KIR3DL2: variants seen among roughly 807,000 people sequenced by gnomAD.
KIR3DL2 encodes the protein killer cell immunoglobulin-like receptor 3DL2.
A neutral mutation model predicts 41.6 loss-of-function variants in KIR3DL2; 42 were observed. That is an observed-to-expected ratio of 1.01 (90% CI 0.79 to 1.31). The LOEUF is 1.31. Among genes scored for constraint, KIR3DL2 ranks in the 50% most tolerant of loss-of-function variants. The pLI is 0.00. For missense variants in KIR3DL2, 728 were observed against 576.8 expected, an observed-to-expected ratio of 1.26 and a Z score of -2.68; for synonymous variants, 230 against 221.3, an observed-to-expected ratio of 1.04 and a Z score of -0.35.
At chr19:54,866,451 A>C (rs1359098793) in intron 8 of KIR3DL2, 29 bp downstream of exon 8, 1 of 1,613,858 alleles carries the variant, frequency 6.2e-7, no homozygotes, top group Non-Finnish European at 8.5e-7. Flanking sequence ...AGCCTCACGG[A>C]TACAGTCTTA....
intron 5 of KIR3DL2, among the ~76,000 whole-genome samples, chr19:54,858,375 C>T (rs1408814071): frequency 2.0e-5 from 3 of 150,250 alleles, no homozygotes; most frequent in Non-Finnish European, 4.4e-5. Flanking sequence ...CCAGTTTTCC[C>T]CACACCATTT....
chr19:54,856,998 A>T (rs200925674), intron 5 of KIR3DL2, among the ~76,000 whole-genome samples: 6,261 of 152,122 alleles, frequency 0.041, 141 homozygotes, highest in Middle Eastern at 0.088. Flanking sequence ...GAACAGTCAT[A>T]TGAGTGCAGA....
chr19:54,855,855 C>T lies in KIR3DL2; in HGVS notation c.892C>T (p.Arg298Cys), dbSNP rs200625052. Residue 298 changes from arginine (R) to cysteine (C), a missense_variant, in exon 5 of 9, where the codon CGT (arginine) becomes TGT (cysteine). By Grantham distance (180) the Arg-to-Cys change is radical. Transcript: ENST00000326321. ...GGTYRCFGSF[R>C]ALPCVWSNSS... ...GACCTACAGATGCTTCGGCTCTTTC[C>T]GTGCCCTGCCCTGCGTGTGGTCAAA... is the stretch of plus-strand genomic sequence containing the variant. 7.4e-4 allele frequency: 1,202 copies of T among 1,613,424 alleles called. 7 individuals are homozygous for T. The highest frequency in any genetic ancestry group is 9.4e-4 in the Non-Finnish European group (1,104 of 1,179,866).
rs2064468498 is a variant in KIR3DL2 at position 54,853,503 on chromosome 19, A to T, written c.356-244A>T. Among the ~76,000 whole-genome samples, 5 of 151,704 alleles carry T rather than the reference A, an allele frequency of 3.3e-5. No individual in the cohort carries two copies. In the South Asian group the frequency reaches 1.0e-3, roughly 31 times the overall value. ...TAGTGGGAAAGAGATACAACAGCCC[A>T]AGAGATGAGGCTCTCTTCACAGTGG... On this transcript the variant is annotated intron_variant, in intron 3 of 8. Transcript: ENST00000326321.
chr19:54,865,839 C>T lies in KIR3DL2; in HGVS notation c.1035C>T (p.Thr345=), dbSNP rs2065469033. 3 of 1,613,756 alleles carry T rather than the reference C, an allele frequency of 1.9e-6. No individual in the cohort carries two copies. The highest frequency in any genetic ancestry group is 3.3e-5 in the Admixed American group (2 of 60,008). Residue 345 remains threonine (T), a synonymous_variant, in exon 7 of 9, where the codon ACC becomes ACT. Coordinates refer to ENST00000326321, the MANE Select transcript of KIR3DL2 (RefSeq NM_006737.4). ...GACACCTGCATGTTCTGATTGGGAC[C>T]TCAGTGGTCATCTTCCTCTTCATCC... ...ICRHLHVLIG[T]SVVIFLFILL... is the part of the protein sequence containing the mutation.
rs368276329 is a variant in KIR3DL2 at position 54,855,199 on chromosome 19, CAGAT to C, written c.656-416_656-413del. 1.3e-4 allele frequency among the ~76,000 whole-genome samples: 20 copies of C among 150,874 alleles called. 2 individuals carry two copies. Among genetic ancestry groups the C allele is most frequent in the African/African-American group, 3.0e-4 (12 of 40,656 alleles). ...AATACATAGATGATTGATGGATAGACAGATAGACAATTGATAGATAAATGATACA... is the reference window on the plus strand; with the variant it reads ...AATACATAGATGATTGATGGATAGACAGACAATTGATAGATAAATGATACA... On this transcript the variant is annotated intron_variant, in intron 4 of 8. Coordinates refer to ENST00000326321, the MANE Select transcript of KIR3DL2 (RefSeq NM_006737.4).
chr19:54,856,820 T>A (rs1370912662), intron 5 of KIR3DL2, among the ~76,000 whole-genome samples: 1 of 152,120 alleles, frequency 6.6e-6, no homozygotes, highest in Non-Finnish European at 1.5e-5. Context: ...GAAATGGGAA[T>A]CTTTGTAATG....
chr19:54,855,266 A>AATAG, intron 4 of KIR3DL2, among the ~76,000 whole-genome samples: 1 of 150,922 alleles, frequency 6.6e-6, no homozygotes, highest in Middle Eastern at 3.4e-3. Flanking sequence ...ATAGACACAA[A>AATAG]ATAGATAGAT....
chr19:54,865,625 T>C (rs4806457), intron 6 of KIR3DL2, among the ~76,000 whole-genome samples, 180 bp from the exon 7 acceptor site: 6,488 of 152,106 alleles, frequency 0.043, 174 homozygotes, highest in East Asian at 0.091. Flanking sequence ...ATCCTCAGCA[T>C]GTTCTATGGT....
chr19:54,851,721 C>T (rs2064257864), intron 2 of KIR3DL2, among the ~76,000 whole-genome samples: 1 of 151,756 alleles, frequency 6.6e-6, no homozygotes, highest in Non-Finnish European at 1.5e-5. Flanking sequence ...ATAGGACATG[C>T]CCTCCATGCC....
Position 54,866,385 on chromosome 19 carries a change from A to T in KIR3DL2, c.1121A>T (p.Asp374Val). 1 of 1,613,918 alleles carries T rather than the reference A, an allele frequency of 6.2e-7. No homozygotes were observed. The change falls in exon 8 of 9, where the codon GAC becomes GTC. Residue 374 changes from aspartate to valine, a missense_variant. Coordinates refer to ENST00000326321, the MANE Select transcript of KIR3DL2 (RefSeq NM_006737.4). ...CSNKKNAAVMDQEPAGDRTVN... is the reference protein window; with the variant it reads ...CSNKKNAAVMVQEPAGDRTVN... ...TCTCCTACAGATGCTGCTGTAATGG[A>T]CCAAGAGCCTGCGGGGGACAGAACA... is the stretch of plus-strand genomic sequence containing the variant.
chr19:54,855,989 A>T, intron 5 of KIR3DL2, 77 bp downstream of exon 5: 1 of 1,536,924 alleles, frequency 6.5e-7, no homozygotes. Context: ...GATGATGGGG[A>T]GAAGCATGGA....
chr19:54,866,342 C>G, intron 7 of KIR3DL2, 28 bp from the exon 8 acceptor site: 3 of 1,613,472 alleles, frequency 1.9e-6, no homozygotes, highest in Non-Finnish European at 2.5e-6. Context: ...GCCCTCCAAG[C>G]GGTTTTGATG....
intron 6 of KIR3DL2, among the ~76,000 whole-genome samples, chr19:54,862,802 CTTTT>C (rs1210198153): frequency 6.5e-3 from 520 of 79,786 alleles, no homozygotes; most frequent in Admixed American, 0.016. Flanking sequence ...TGGGTTACTT[CTTTT>C]TTTTTTTTTT....
chr19:54,858,506 A>G lies in KIR3DL2; in HGVS notation c.950-573A>G, dbSNP rs1408303879. Among the ~76,000 whole-genome samples, 17 of 150,522 alleles carry G rather than the reference A, an allele frequency of 1.1e-4. 1 individual carries two copies. The highest frequency in any genetic ancestry group is 4.2e-4 in the African/African-American group (17 of 40,414). Reference sequence around the variant, plus strand: ...CACTTTGGGAGGCCGAGGCGGGTGGATCACCTAAAGCCAGGAGTTCAAGAC... The same window carrying G: ...CACTTTGGGAGGCCGAGGCGGGTGGGTCACCTAAAGCCAGGAGTTCAAGAC... On this transcript the variant is annotated intron_variant, in intron 5 of 8. Transcript: ENST00000326321.
In KIR3DL2 at chr19:54,852,213, C is replaced by A. The variant is rs754134072; in HGVS notation, c.286C>A (p.Arg96=). The A allele has an allele frequency of 6.2e-7, 1 of 1,611,712 alleles. No homozygotes were observed. Among genetic ancestry groups the A allele is most frequent in the Non-Finnish European group, 8.5e-7 (1 of 1,178,962 alleles). Residue 96 remains arginine (R), a synonymous_variant, in exon 3 of 9, where the codon CGG becomes AGG. Transcript: ENST00000326321. ...TPAHAGTYRC[R]GSRPHSLTGW... The stretch of plus-strand genomic sequence containing the variant: ...AGCACATGCAGGGACCTACAGATGT[C>A]GGGGTTCACGCCCACACTCCCTCAC...
rs1429938486 is a variant in KIR3DL2 at position 54,854,533 on chromosome 19, T to C, written c.655+487T>C. On this transcript the variant is annotated intron_variant, in intron 4 of 8. Coordinates refer to ENST00000326321, the MANE Select transcript of KIR3DL2 (RefSeq NM_006737.4). The stretch of plus-strand genomic sequence containing the variant: ...GCCTTCCATGCAGTGGAGCCATAAT[T>C]ATCCCAGGATATCATGGCCCCAGAA... Among the ~76,000 whole-genome samples, 3 of 151,748 alleles carry C rather than the reference T, an allele frequency of 2.0e-5. 1 individual carries two copies. The highest frequency in any genetic ancestry group is 7.3e-5 in the African/African-American group (3 of 41,090).
At chr19:54,853,249 A>G (rs2064441559) in intron 3 of KIR3DL2, among the ~76,000 whole-genome samples, 1 of 151,738 alleles carries the variant, frequency 6.6e-6, no homozygotes, top group Admixed American at 6.5e-5. Flanking sequence ...AACCAGCACC[A>G]GGGACCACCC....
chr19:54,865,984 T>C (rs2065485332), intron 7 of KIR3DL2, 75 bp downstream of exon 7: 9 of 1,345,972 alleles, frequency 6.7e-6, no homozygotes, highest in South Asian at 1.2e-5. Flanking sequence ...CGGGTGTGTG[T>C]TCCTCACTGG....
Sources: gnomAD v4.1 joint callset for allele counts (sites outside exome capture counted in the v4.1 genomes callset) on GRCh38, gnomAD v4.1.1 for gene constraint, MANE v1.5 for transcripts, NCBI Gene and HGNC (gene_info 2026-07-23, HGNC 2026-07-21) for gene names.